The following PPAN variants were observed in gnomAD, a reference collection of about 807,000 sequenced individuals.
The protein encoded by PPAN is suppressor of SWI4 1 homolog.
A neutral mutation model predicts 48.5 loss-of-function variants in PPAN; 39 were observed. The ratio of observed to expected loss-of-function variants is 0.80; its 90% CI spans 0.62 to 1.05. PPAN has a LOEUF of 1.05. Among genes scored for constraint, PPAN ranks in the 50% least tolerant of loss-of-function variants. PPAN has a pLI of 0.00. For synonymous variants in PPAN, 315 were observed against 268.6 expected (o/e 1.17, Z -1.69); for missense variants, 736 against 661.7 (o/e 1.11, Z -1.23).
chr19:10,111,241 T>G lies in PPAN; in HGVS notation c.*76T>G. On this transcript the variant is annotated 3_prime_UTR_variant, in exon 12 of 12. Coordinates refer to ENST00000253107, the MANE Select transcript of PPAN (RefSeq NM_020230.7). ...CCGAGATGTGGCCCTCGGTTTCCTT[T>G]CATAAAGGAGTTGTGTCCCCAGCCC... The G allele has an allele frequency of 7.1e-7, 1 of 1,413,252 alleles. No individual in the cohort carries two copies. Among genetic ancestry groups the G allele is most frequent in the Non-Finnish European group, 9.3e-7 (1 of 1,071,850 alleles). 87.5% of individuals were successfully genotyped at this position (1,413,252 alleles called of 1,614,324 possible). A position where few individuals can be genotyped will look rare whatever the true frequency, so the allele number is the denominator to read the frequency against.
At chr19:10,109,578 C>A in intron 5 of PPAN, 53 bp from the exon 6 acceptor site, 2 of 1,554,052 alleles carry the variant, frequency 1.3e-6, no homozygotes, top group Admixed American at 1.8e-5. Flanking sequence ...GCCCCCACTT[C>A]CCCAAACTTT....
Position 10,110,390 on chromosome 19 carries a change from T to G in PPAN, c.889T>G (p.Phe297Val), listed in dbSNP as rs1436198667. ...GGGCGTCGGGGAGGGCAAAGTGATGTTCCACAGTTTTGGTGAGGCCGGGGC... is the reference window on the plus strand; with the variant it reads ...GGGCGTCGGGGAGGGCAAAGTGATGGTCCACAGTTTTGGTGAGGCCGGGGC... ...QEGVGEGKVM[F>V]HSFVSKTEEE... Residue 297 changes from phenylalanine to valine, a missense_variant, in exon 9 of 12, where the codon TTC (phenylalanine) becomes GTC (valine). Phe to Val is a conservative substitution (Grantham distance 50, BLOSUM62 -1). Coordinates refer to ENST00000253107, the MANE Select transcript of PPAN (RefSeq NM_020230.7). The surrounding 1 kb of genome is among the most constrained non-coding windows in gnomAD (Gnocchi z 5.9). 6 of 1,613,536 alleles carry G rather than the reference T, an allele frequency of 3.7e-6. No individual in the cohort carries two copies.
chr19:10,110,961 C>T lies in PPAN; in HGVS notation c.1218C>T (p.Ala406=). Residue 406 remains alanine (A), a synonymous_variant, in exon 12 of 12, where the codon GCC becomes GCT. Transcript: ENST00000253107. This position sits in a 1 kb window ranked among gnomAD's most constrained non-coding sequence, Gnocchi z 5.9. ...TCCCCACAGACCTGTTCCCCGAGGC[C>T]AAGCAGAAACGGCTTGCCAAGTCTC... ...EAPSEDLFPE[A]KQKRLAKSPG... 1 of 1,613,432 alleles carries T rather than the reference C, an allele frequency of 6.2e-7. No homozygotes were observed.
chr19:10,110,257 G>A lies in PPAN; in HGVS notation c.822+11G>A, dbSNP rs2088999612. 6.2e-7 allele frequency: 1 copy of A among 1,612,070 alleles called. No homozygotes were observed. The highest frequency in any genetic ancestry group is 1.3e-5 in the African/African-American group (1 of 74,922). On this transcript the variant is annotated intron_variant, in intron 8 of 11. Transcript: ENST00000253107. This position sits in a 1 kb window ranked among gnomAD's most constrained non-coding sequence, Gnocchi z 5.9. Reference sequence around the variant, plus strand: ...GTGCGGCTCACCGAGGTGAGGCCCAGGGCAGGGGGACCCCCGGGCTCCACC... The same window carrying A: ...GTGCGGCTCACCGAGGTGAGGCCCAAGGCAGGGGGACCCCCGGGCTCCACC...
chr19:10,110,282 C>T lies in PPAN; in HGVS notation c.822+36C>T. The stretch of plus-strand genomic sequence containing the variant: ...GGGCAGGGGGACCCCCGGGCTCCAC[C>T]AGTCCCAACGGTGGGCTGACGCTTC... On this transcript the variant is annotated intron_variant, in intron 8 of 11. Transcript: ENST00000253107. The surrounding 1 kb of genome is among the most constrained non-coding windows in gnomAD (Gnocchi z 5.9). 6.2e-7 allele frequency: 1 copy of T among 1,612,992 alleles called. No individual in the cohort carries two copies. Among genetic ancestry groups the T allele is most frequent in the Non-Finnish European group, 8.5e-7 (1 of 1,179,716 alleles).
At position 10,110,109 on chromosome 19, in the gene PPAN, T is replaced by G; in HGVS notation, c.699-14T>G. ...TGAGCTCCCCCACTGAGCCCTGTTA[T>G]GTCCTACACACAGGGGCGCGGGGCT... On this transcript the variant is annotated splice_polypyrimidine_tract_variant and intron_variant, in intron 7 of 11. Coordinates refer to ENST00000253107, the MANE Select transcript of PPAN (RefSeq NM_020230.7). The surrounding 1 kb of genome is among the most constrained non-coding windows in gnomAD (Gnocchi z 5.9). 1.2e-6 allele frequency: 2 copies of G among 1,611,064 alleles called. No individual in the cohort carries two copies. Among genetic ancestry groups the G allele is most frequent in the Non-Finnish European group, 1.7e-6 (2 of 1,179,470 alleles).
Position 10,107,794 on chromosome 19 carries a change from TCTC to T in PPAN, c.292-7_292-5del, listed in dbSNP as rs530748150. ...CCCTCCAGAGTCACTGATCTTTTCT[TCTC>T]CTGCAGAAGCTGATGCGCCTCCCAG... On this transcript the variant is annotated splice_polypyrimidine_tract_variant and splice_region_variant and intron_variant, in intron 3 of 11. Coordinates refer to ENST00000253107, the MANE Select transcript of PPAN (RefSeq NM_020230.7). The T allele has an allele frequency of 7.1e-5, 115 of 1,613,570 alleles. 1 individual carries two copies. In the South Asian group the frequency reaches 1.1e-3, roughly 16 times the overall value.
Position 10,111,426 on chromosome 19 carries a change from C to T in PPAN, c.*261C>T, listed in dbSNP as rs1240514793. On this transcript the variant is annotated 3_prime_UTR_variant, in exon 12 of 12. Coordinates refer to ENST00000253107, the MANE Select transcript of PPAN (RefSeq NM_020230.7). ...CCTGGAAGCTGGGTCTCTCCCCTACCCTGCACGGGGTTGGTTTCATTGGTG... is the reference window on the plus strand; with the variant it reads ...CCTGGAAGCTGGGTCTCTCCCCTACTCTGCACGGGGTTGGTTTCATTGGTG... The T allele has an allele frequency of 6.8e-5, 43 of 631,536 alleles. No individual in the cohort carries two copies. Among genetic ancestry groups the T allele is most frequent in the Non-Finnish European group, 2.7e-6 (1 of 365,874 alleles). 39.1% of individuals were successfully genotyped at this position (631,536 alleles called of 1,614,324 possible).
intron 5 of PPAN, among the ~76,000 whole-genome samples, chr19:10,108,798 T>G (rs1483446215): frequency 6.6e-6 from 1 of 151,634 alleles, no homozygotes. Flanking sequence ...GATGCTAAGT[T>G]TAGATTCCAG....
chr19:10,111,022 G>C lies in PPAN; in HGVS notation c.1279G>C (p.Gly427Arg). Residue 427 changes from glycine to arginine, a missense_variant, in exon 12 of 12, where the codon GGC (glycine) becomes CGC (arginine). Physicochemically the swap from Gly to Arg is moderately radical, Grantham distance 125. Transcript: ENST00000253107. ...RKRKRWEMDR[G>R]RGRLCDQKFP... ...GCGGAAGCGGTGGGAAATGGATCGA[G>C]GCAGGGGTCGCCTTTGTGACCAGAA... is the stretch of plus-strand genomic sequence containing the variant. 1 of 1,613,594 alleles carries C rather than the reference G, an allele frequency of 6.2e-7. No individual in the cohort carries two copies. The highest frequency in any genetic ancestry group is 8.5e-7 in the Non-Finnish European group (1 of 1,179,958).
At position 10,110,368 on chromosome 19, in the gene PPAN, C is replaced by T. The variant is rs761158899; in HGVS notation, c.867C>T (p.Gly289=). The T allele has an allele frequency of 1.4e-5, 22 of 1,613,514 alleles. No homozygotes were observed. The highest frequency in any genetic ancestry group is 1.7e-5 in the Admixed American group (1 of 59,984). ...TGCAGCTCATCAAGGTCCAGGAGGGCGTCGGGGAGGGCAAAGTGATGTTCC... is the reference window on the plus strand; with the variant it reads ...TGCAGCTCATCAAGGTCCAGGAGGGTGTCGGGGAGGGCAAAGTGATGTTCC... ...MTLQLIKVQE[G]VGEGKVMFHS... Residue 289 remains glycine, a synonymous_variant, in exon 9 of 12, where the codon GGC becomes GGT. Transcript: ENST00000253107. The surrounding 1 kb of genome is among the most constrained non-coding windows in gnomAD (Gnocchi z 5.9).
At position 10,110,783 on chromosome 19, in the gene PPAN, T is replaced by C. The variant is rs1472499755; in HGVS notation, c.1118T>C (p.Leu373Pro). The change falls in exon 11 of 12, where the codon CTG becomes CCG. Residue 373 changes from leucine (L) to proline (P), a missense_variant. Leu to Pro is a moderately conservative substitution (Grantham distance 98). Coordinates refer to ENST00000253107, the MANE Select transcript of PPAN (RefSeq NM_020230.7). The surrounding 1 kb of genome is among the most constrained non-coding windows in gnomAD (Gnocchi z 5.9). ...GGGATCCCTTCAAGGACGGCGAGCCTGGAGTTGGGTGAGGACGATGATGAA... is the reference window on the plus strand; with the variant it reads ...GGGATCCCTTCAAGGACGGCGAGCCCGGAGTTGGGTGAGGACGATGATGAA... ...ASGIPSRTAS[L>P]ELGEDDDEQE... The C allele has an allele frequency of 1.2e-6, 2 of 1,613,896 alleles. No homozygotes were observed. The highest frequency in any genetic ancestry group is 3.3e-5 in the Admixed American group (2 of 60,004).
chr19:10,108,865 T>C (rs1003777981), intron 5 of PPAN, among the ~76,000 whole-genome samples: 1 of 152,130 alleles, frequency 6.6e-6, no homozygotes, highest in African/African-American at 2.4e-5. Context: ...TCCTAATCCT[T>C]GTCACTAGTG....
At position 10,106,366 on chromosome 19, in the gene PPAN, G is replaced by A; in HGVS notation, c.-29G>A. On this transcript the variant is annotated 5_prime_UTR_variant, in exon 1 of 12. Coordinates refer to ENST00000253107, the MANE Select transcript of PPAN (RefSeq NM_020230.7). ...CTGCGCAGCGCCGGAAGCGGCGGAC[G>A]CAGGAGGCCTCGTGGAGGACACAGC... 4 of 1,548,884 alleles carry A rather than the reference G, an allele frequency of 2.6e-6. No individual in the cohort carries two copies. Among genetic ancestry groups the A allele is most frequent in the Non-Finnish European group, 3.5e-6 (4 of 1,145,784 alleles).
chr19:10,111,720 G>A lies in PPAN; in HGVS notation c.*555G>A. ...ACACAGGCTGAGGATCGGCACGGGA[G>A]CATGGCAGCCAACGTCTCGGGTAAG... is the stretch of plus-strand genomic sequence containing the variant. On this transcript the variant is annotated 3_prime_UTR_variant, in exon 12 of 12. Transcript: ENST00000253107. 1 of 1,613,746 alleles carries A rather than the reference G, an allele frequency of 6.2e-7. No individual in the cohort carries two copies. The highest frequency in any genetic ancestry group is 8.5e-7 in the Non-Finnish European group (1 of 1,179,850).
Position 10,110,180 on chromosome 19 carries a change from G to A in PPAN, c.756G>A (p.Glu252=), listed in dbSNP as rs1449578041. 1 of 1,610,570 alleles carries A rather than the reference G, an allele frequency of 6.2e-7. No individual in the cohort carries two copies. The highest frequency in any genetic ancestry group is 1.7e-4 in the Middle Eastern group (1 of 6,058). ...AEPDGDHNIT[E]LPQAVAGRGN... Reference sequence around the variant, plus strand: ...CTGACGGCGACCACAACATCACAGAGCTGCCTCAGGCTGTCGCTGGCCGTG... The same window carrying A: ...CTGACGGCGACCACAACATCACAGAACTGCCTCAGGCTGTCGCTGGCCGTG... The change falls in exon 8 of 12, where the codon GAG becomes GAA. Residue 252 remains glutamate, a synonymous_variant. Coordinates refer to ENST00000253107, the MANE Select transcript of PPAN (RefSeq NM_020230.7). This position sits in a 1 kb window ranked among gnomAD's most constrained non-coding sequence, Gnocchi z 5.9.
chr19:10,111,681 G>A lies in PPAN; in HGVS notation c.*516G>A, dbSNP rs781781512. 6.2e-7 allele frequency: 1 copy of A among 1,613,442 alleles called. No homozygotes were observed. The highest frequency in any genetic ancestry group is 1.3e-5 in the African/African-American group (1 of 75,026). On this transcript the variant is annotated 3_prime_UTR_variant, in exon 12 of 12. Coordinates refer to ENST00000253107, the MANE Select transcript of PPAN (RefSeq NM_020230.7). ...ACTGGTGACTGGGGGAGGGGCTGGGGAACTGGGTAGCAGACACAGGCTGAG... is the reference window on the plus strand; with the variant it reads ...ACTGGTGACTGGGGGAGGGGCTGGGAAACTGGGTAGCAGACACAGGCTGAG...
At chr19:10,109,532 T>C in intron 5 of PPAN, 99 bp from the exon 6 acceptor site, 1 of 1,351,616 alleles carries the variant, frequency 7.4e-7, no homozygotes, top group South Asian at 1.4e-5. Flanking sequence ...TTCTAGCCAG[T>C]GCCACAGTCC....
At position 10,110,935 on chromosome 19, in the gene PPAN, C is replaced by G. The variant is rs1331037921; in HGVS notation, c.1202-10C>G. On this transcript the variant is annotated splice_polypyrimidine_tract_variant and intron_variant, in intron 11 of 11. Transcript: ENST00000253107. This position sits in a 1 kb window ranked among gnomAD's most constrained non-coding sequence, Gnocchi z 5.9. ...GTCTCTGGGGGCCCTGACACTGTCT[C>G]TCCCCACAGACCTGTTCCCCGAGGC... 1 of 1,613,422 alleles carries G rather than the reference C, an allele frequency of 6.2e-7. No individual in the cohort carries two copies. The highest frequency in any genetic ancestry group is 1.6e-4 in the Middle Eastern group (1 of 6,062).
Sources: gnomAD v4.1 joint callset for allele counts (sites outside exome capture counted in the v4.1 genomes callset) on GRCh38, gnomAD v4.1.1 for gene constraint, Gnocchi (gnomAD v3.1) non-coding constraint, MANE v1.5 for transcripts, NCBI Gene and HGNC (gene_info 2026-07-23, HGNC 2026-07-21) for gene names.